Variants in OPHN1 observed in about 807,000 individuals in gnomAD.
OPHN1 encodes oligophrenin 1, also known as oligophrenin-1.
A neutral mutation model predicts 60.7 loss-of-function variants in OPHN1; 11 were observed. That is an observed-to-expected ratio of 0.18 (90% confidence interval 0.11 to 0.30). OPHN1 has a LOEUF of 0.30. Among genes scored for constraint, OPHN1 ranks in the 10% least tolerant of loss-of-function variants. The probability of loss-of-function intolerance (pLI) is 1.00; values close to 1 mark genes in which losing one functional copy is unlikely to be tolerated. For synonymous variants in OPHN1, 226 were observed against 222.6 expected, an observed-to-expected ratio of 1.02 and a Z score of -0.14; for missense variants, 449 against 611.0, an observed-to-expected ratio of 0.73 and a Z score of 2.80.
chrX:68,223,113 A>T (rs1359392588), intron 6 of OPHN1, among the ~76,000 whole-genome samples: 1 of 111,585 alleles, frequency 9.0e-6, no homozygotes, highest in African/African-American at 3.3e-5. Flanking sequence ...TACAGTCTCT[A>T]TGGAAAACAG....
chrX:68,317,474 GGAGGAAGGGAGA>G (rs1219575273), intron 2 of OPHN1, among the ~76,000 whole-genome samples: 3 of 90,678 alleles, frequency 3.3e-5, no homozygotes, highest in East Asian at 3.4e-4. Flanking sequence ...AGGAGGAGGA[GGAGGAAGGGAGA>G]GAGGGAGGGA....
chrX:68,086,634 C>T (rs2076997048), intron 19 of OPHN1, among the ~76,000 whole-genome samples: 1 of 112,074 alleles, frequency 8.9e-6, no homozygotes, highest in Non-Finnish European at 1.9e-5. Flanking sequence ...ATAAATCCCT[C>T]TATCTACCCC....
chrX:68,136,365 G>A (rs1441271351), intron 15 of OPHN1, among the ~76,000 whole-genome samples: 1 of 100,580 alleles, frequency 9.9e-6, no homozygotes, highest in Admixed American at 1.1e-4. Flanking sequence ...GTGCAGTGGC[G>A]TGATCTCGGC....
At position 68,045,022 on chromosome X, in the gene OPHN1, A is replaced by T. The variant is rs1394046912; in HGVS notation, c.*2150T>A. ...CCTATTAGCCATGCTTTCATGGCCA[A>T]AATCTGCACACCTGTCTGCTTTATT... is the stretch of plus-strand genomic sequence containing the variant. On this transcript the variant is annotated 3_prime_UTR_variant, in exon 25 of 25. Transcript: ENST00000355520. 3.6e-5 allele frequency: 4 copies of T among 111,627 alleles called. No homozygotes were observed. The highest frequency in any genetic ancestry group is 7.5e-5 in the Non-Finnish European group (4 of 53,118). The allele number at this position is 111,627 out of a possible 1,213,427, so 9.2% of individuals were successfully genotyped here. A position where few individuals can be genotyped will look rare whatever the true frequency, so the allele number is the denominator to read the frequency against.
At chrX:68,349,998 C>T (rs1414610781) in intron 2 of OPHN1, among the ~76,000 whole-genome samples, 6 of 110,911 alleles carry the variant, frequency 5.4e-5, no homozygotes, top group African/African-American at 2.0e-4. Flanking sequence ...CCATGGCATG[C>T]GTATACCTAT....
At chrX:68,048,377 T>C (rs1329752677) in intron 24 of OPHN1, 39 bp downstream of exon 24, 56 of 1,154,054 alleles carry the variant, frequency 4.9e-5, no homozygotes, top group Non-Finnish European at 6.3e-5. Context: ...AAGGCTTATG[T>C]GGAACAAGAT....
At chrX:68,217,281 C>A (rs1480940813) in intron 6 of OPHN1, among the ~76,000 whole-genome samples, 3 of 112,090 alleles carry the variant, frequency 2.7e-5, no homozygotes, top group Non-Finnish European at 5.6e-5. Context: ...GGATCCTACG[C>A]CCACGCAGTC....
chrX:68,119,032 T>G (rs907401743), intron 16 of OPHN1, among the ~76,000 whole-genome samples: 6 of 112,179 alleles, frequency 5.3e-5, no homozygotes, highest in Non-Finnish European at 1.1e-4. Context: ...TAGCCTTTTT[T>G]CAGTAACAAT....
chrX:68,291,193 A>C (rs1319767040), intron 3 of OPHN1, among the ~76,000 whole-genome samples: 1 of 111,554 alleles, frequency 9.0e-6, no homozygotes, highest in Non-Finnish European at 1.9e-5. Context: ...ATATGGTGGC[A>C]GGAACAGGAT....
intron 11 of OPHN1, among the ~76,000 whole-genome samples, chrX:68,198,719 C>A (rs949654933): frequency 4.5e-5 from 5 of 111,679 alleles, no homozygotes; most frequent in African/African-American, 1.6e-4. Context: ...GAGAGTTCAG[C>A]CACCCTGGAT....
intron 2 of OPHN1, among the ~76,000 whole-genome samples, chrX:68,379,128 C>A (rs989401831): frequency 9.0e-6 from 1 of 110,823 alleles, no homozygotes; most frequent in African/African-American, 3.3e-5. Context: ...GTTTGTAGTT[C>A]TCCTTGAAGA....
intron 15 of OPHN1, among the ~76,000 whole-genome samples, chrX:68,120,836 C>T (rs1341587392): frequency 9.0e-6 from 1 of 111,717 alleles, no homozygotes; most frequent in Non-Finnish European, 1.9e-5. Context: ...CAGACGTAAA[C>T]CCAAGTACTT....
chrX:68,422,831 GAA>G (rs2078836008), intron 2 of OPHN1, among the ~76,000 whole-genome samples: 1 of 106,752 alleles, frequency 9.4e-6, no homozygotes, highest in East Asian at 3.0e-4. Context: ...GAAAGAAAGA[GAA>G]AGAGGAAAGG....
chrX:68,352,876 G>C (rs1191470986), intron 2 of OPHN1, among the ~76,000 whole-genome samples: 1 of 112,096 alleles, frequency 8.9e-6, no homozygotes, highest in African/African-American at 3.2e-5. Flanking sequence ...TATCAGGCCC[G>C]GTGCAGTGGC....
At chrX:68,095,810 G>T (rs746512974) in intron 19 of OPHN1, among the ~76,000 whole-genome samples, 12 of 111,339 alleles carry the variant, frequency 1.1e-4, no homozygotes, top group Non-Finnish European at 1.9e-4. Context: ...AGGGCCATCT[G>T]TTGCAAGTGT....
At chrX:68,312,303 C>T (rs2078178136) in intron 2 of OPHN1, among the ~76,000 whole-genome samples, 1 of 99,068 alleles carries the variant, frequency 1.0e-5, no homozygotes, top group Non-Finnish European at 2.0e-5. Flanking sequence ...ACTATGTTGC[C>T]CAGACTGGTC....
intron 2 of OPHN1, among the ~76,000 whole-genome samples, chrX:68,388,459 CAA>C (rs779652561): frequency 2.3e-4 from 14 of 60,757 alleles, no homozygotes; most frequent in Admixed American, 2.0e-4. Flanking sequence ...GACTCTGTCT[CAA>C]AAAAAAAAAA....
intron 19 of OPHN1, among the ~76,000 whole-genome samples, chrX:68,077,979 A>C (rs1459875545): frequency 8.9e-6 from 1 of 111,817 alleles, no homozygotes; most frequent in Non-Finnish European, 1.9e-5. Flanking sequence ...TCTGAGCCTC[A>C]GTTGTCTAAT....
chrX:68,221,459 C>T (rs2077657495), intron 6 of OPHN1, among the ~76,000 whole-genome samples: 1 of 66,588 alleles, frequency 1.5e-5, no homozygotes, highest in Non-Finnish European at 2.8e-5. Context: ...AAAAAAGAGC[C>T]CGCATCGCCA....
Sources: gnomAD v4.1 joint callset for allele counts (sites outside exome capture counted in the v4.1 genomes callset) on GRCh38, gnomAD v4.1.1 for gene constraint, MANE v1.5 for transcripts, NCBI Gene and HGNC (gene_info 2026-07-23, HGNC 2026-07-21) for gene names.